Variants in NAGLU observed in about 807,000 individuals in gnomAD.
The protein encoded by NAGLU is alpha-N-acetylglucosaminidase.
A neutral mutation model predicts 43.4 loss-of-function variants in NAGLU; 34 were observed. The observed-to-expected ratio is 0.78, with a 90% confidence interval of 0.60 to 1.04. The LOEUF (loss-of-function observed/expected upper bound fraction) is 1.04, where lower values mean the gene tolerates loss of function less well. NAGLU is among the 50% of genes least tolerant of loss of function. The pLI is 0.00. For synonymous variants in NAGLU, 425 were observed against 437.6 expected (o/e 0.97, Z 0.36); for missense variants, 910 against 993.7 (o/e 0.92, Z 1.13).
chr17:42,539,428 AG>A (rs2092915965), intron 4 of NAGLU, among the ~76,000 whole-genome samples: 1 of 152,190 alleles, frequency 6.6e-6, no homozygotes, highest in African/African-American at 2.4e-5. Flanking sequence ...AAAGTCTTCA[AG>A]GCTCACCTGA....
At chr17:42,539,932 G>A (rs1229272579) in intron 4 of NAGLU, among the ~76,000 whole-genome samples, 1 of 151,926 alleles carries the variant, frequency 6.6e-6, no homozygotes, top group African/African-American at 2.4e-5. Flanking sequence ...TGGCCAACAT[G>A]GCGAAACCCC....
In NAGLU at chr17:42,539,158, G is replaced by A. The variant is rs1297593507; in HGVS notation, c.764+403G>A. Among the ~76,000 whole-genome samples the A allele has an allele frequency of 2.0e-5, 3 of 152,214 alleles. No individual in the cohort carries two copies. In the South Asian group the frequency reaches 6.2e-4, roughly 32 times the overall value. ...AAGCTCTGGACGTAGGCCTGGGTTT[G>A]ATTTCTGACTCTGCTACTAATTAGC... On this transcript the variant is annotated intron_variant, in intron 4 of 5. Coordinates refer to ENST00000225927, the MANE Select transcript of NAGLU (RefSeq NM_000263.4).
rs760463334 is a variant in NAGLU at position 42,538,732 on chromosome 17, G to C, written c.741G>C (p.Gly247=). The C allele has an allele frequency of 5.6e-6, 9 of 1,613,886 alleles. No homozygotes were observed. In the South Asian group the frequency reaches 9.9e-5, roughly 18 times the overall value. The change falls in exon 4 of 6, where the codon GGG becomes GGC. Residue 247 remains glycine, a synonymous_variant. Transcript: ENST00000225927. ...CCCCAGTGCTGCCTGCATTCGCGGG[G>C]CATGTTCCCGAGGCTGTCACCAGGT... ...GMTPVLPAFA[G]HVPEAVTRVF...
In NAGLU at chr17:42,543,521, C is replaced by T. The variant is rs112751577; in HGVS notation, c.1515C>T (p.Ser505=). The T allele has an allele frequency of 3.0e-3, 4,757 of 1,606,260 alleles. 9 individuals are homozygous for T. The highest frequency in any genetic ancestry group is 3.6e-3 in the Non-Finnish European group (4,247 of 1,178,012). ...TGCTCCGGAGTGTGTACAACTGCTC[C>T]GGGGAGGCCTGCAGGGGCCACAATC... ...RLLLRSVYNC[S]GEACRGHNRS... Residue 505 remains serine (S), a synonymous_variant, in exon 6 of 6, where the codon TCC becomes TCT. Transcript: ENST00000225927.
intron 4 of NAGLU, among the ~76,000 whole-genome samples, chr17:42,538,994 C>T (rs933301375): frequency 2.0e-5 from 3 of 152,140 alleles, no homozygotes; most frequent in Non-Finnish European, 2.9e-5. Context: ...TGGTGGCACG[C>T]GCCTGTAATC....
chr17:42,536,550 T>C lies in NAGLU; in HGVS notation c.278T>C (p.Leu93Pro). ...VAAAAGLHRY[L>P]RDFCGCHVAW... ...GCCGCCGCGGGGCTGCACCGCTACC[T>C]GCGCGACTTCTGTGGCTGCCACGTG... The change falls in exon 1 of 6, where the codon CTG becomes CCG. Residue 93 changes from leucine to proline, a missense_variant. Coordinates refer to ENST00000225927, the MANE Select transcript of NAGLU (RefSeq NM_000263.4). 1.4e-6 allele frequency: 2 copies of C among 1,471,540 alleles called. No individual in the cohort carries two copies. The highest frequency in any genetic ancestry group is 1.8e-6 in the Non-Finnish European group (2 of 1,117,792). The allele number at this position is 1,471,540 out of a possible 1,614,324, so 91.2% of individuals were successfully genotyped here.
At chr17:42,537,125 G>A (rs2092908546) in intron 1 of NAGLU, 1 of 500,930 alleles carries the variant, frequency 2.0e-6, no homozygotes, top group East Asian at 3.8e-5. Context: ...ACACCGTGCA[G>A]AGGAGGGGCT....
chr17:42,537,654 A>C (rs978994670), intron 2 of NAGLU, 109 bp downstream of exon 2: 5 of 1,447,806 alleles, frequency 3.5e-6, no homozygotes, highest in Admixed American at 2.0e-5. Flanking sequence ...AAGTGCTTTC[A>C]GCGTGCACAG....
At chr17:42,542,493 T>G (rs1015041287) in intron 5 of NAGLU, among the ~76,000 whole-genome samples, 4 of 151,980 alleles carry the variant, frequency 2.6e-5, no homozygotes, top group Non-Finnish European at 5.9e-5. Flanking sequence ...CCACTGCGAC[T>G]GGCCTTGATT....
rs764322586 is a variant in NAGLU, at chr17:42,543,894, G to A, written c.1888G>A (p.Val630Ile). Residue 630 changes from valine (V) to isoleucine (I), a missense_variant, in exon 6 of 6, where the codon GTC becomes ATC. Physicochemically the swap from Val to Ile is conservative, Grantham distance 29 (BLOSUM62 3). Transcript: ENST00000225927. ...GCTAGAGCAGGCCCGAGCAGCGGCA[G>A]TCAGTGAGGCCGAGGCCGATTTCTA... ...SWLEQARAAA[V>I]SEAEADFYEQ... 1.2e-6 allele frequency: 2 copies of A among 1,605,598 alleles called. No individual in the cohort carries two copies. The highest frequency in any genetic ancestry group is 1.7e-6 in the Non-Finnish European group (2 of 1,176,424).
At chr17:42,537,860 T>TAAA (rs908141983) in intron 2 of NAGLU, among the ~76,000 whole-genome samples, 4,390 of 108,846 alleles carry the variant, frequency 0.04, 266 homozygotes, top group African/African-American at 0.14. Flanking sequence ...AGACTCTGTC[T>TAAA]AAAAAAAAAA....
rs2092928338 is a variant in NAGLU, at chr17:42,543,620, G to T, written c.1614G>T (p.Glu538Asp). The change falls in exon 6 of 6, where the codon GAG (glutamate) becomes GAT (aspartate). Residue 538 changes from glutamate to aspartate, a missense_variant. By Grantham distance (45) the Glu-to-Asp change is conservative (BLOSUM62 2). Coordinates refer to ENST00000225927, the MANE Select transcript of NAGLU (RefSeq NM_000263.4). Reference sequence around the variant, plus strand: ...GGTACAACCGATCTGATGTGTTTGAGGCCTGGCGGCTGCTGCTCACATCTG... The same window carrying T: ...GGTACAACCGATCTGATGTGTTTGATGCCTGGCGGCTGCTGCTCACATCTG... ...SIWYNRSDVF[E>D]AWRLLLTSAP... 2 of 1,613,068 alleles carry T rather than the reference G, an allele frequency of 1.2e-6. No individual in the cohort carries two copies. The highest frequency in any genetic ancestry group is 1.1e-5 in the South Asian group (1 of 91,092).
chr17:42,543,953 GGGGCCAGAA>G lies in NAGLU; in HGVS notation c.1950_1958del (p.Pro651_Gly653del). Reference sequence around the variant, plus strand: ...ACAGCCGCTACCAGCTGACCTTGTGGGGGCCAGAAGGCAACATCCTGGACTATGCCAACA... The same window carrying G: ...ACAGCCGCTACCAGCTGACCTTGTGGGGCAACATCCTGGACTATGCCAACA... On this transcript the variant is annotated inframe_deletion, in exon 6 of 6. Transcript: ENST00000225927. 6.2e-7 allele frequency: 1 copy of G among 1,609,444 alleles called. No individual in the cohort carries two copies. Among genetic ancestry groups the G allele is most frequent in the Non-Finnish European group, 8.5e-7 (1 of 1,177,888 alleles).
At chr17:42,539,249 C>T (rs958173077) in intron 4 of NAGLU, among the ~76,000 whole-genome samples, 5 of 152,258 alleles carry the variant, frequency 3.3e-5, no homozygotes, top group African/African-American at 1.2e-4. Flanking sequence ...AAAATGGGAT[C>T]TCTACCCACT....
intron 4 of NAGLU, among the ~76,000 whole-genome samples, 160 bp from the exon 5 acceptor site, chr17:42,540,790 G>C (rs915174407): frequency 6.6e-6 from 1 of 152,154 alleles, no homozygotes; most frequent in African/African-American, 2.4e-5. Context: ...AAGGTGGCCA[G>C]GGAAGGAGAA....
chr17:42,538,515 A>T (rs1429218435), intron 3 of NAGLU, 30 bp downstream of exon 3: 1 of 1,613,666 alleles, frequency 6.2e-7, no homozygotes, highest in South Asian at 1.1e-5. Context: ...AAGGGGCAGA[A>T]TCGGTGATAG....
intron 4 of NAGLU, among the ~76,000 whole-genome samples, chr17:42,538,980 G>A (rs1599256649): frequency 6.6e-6 from 1 of 152,152 alleles, no homozygotes; most frequent in African/African-American, 2.4e-5. Flanking sequence ...AAATTAGCTG[G>A]GCATGGTGGC....
chr17:42,543,537 G>A lies in NAGLU; in HGVS notation c.1531G>A (p.Gly511Ser), dbSNP rs770129454. 6.2e-7 allele frequency: 1 copy of A among 1,609,286 alleles called. No individual in the cohort carries two copies. Among genetic ancestry groups the A allele is most frequent in the Admixed American group, 1.7e-5 (1 of 59,692 alleles). The change falls in exon 6 of 6, where the codon GGC becomes AGC. Residue 511 changes from glycine to serine, a missense_variant. By Grantham distance (56) the Gly-to-Ser change is moderately conservative. Transcript: ENST00000225927. Reference sequence around the variant, plus strand: ...CAACTGCTCCGGGGAGGCCTGCAGGGGCCACAATCGTAGCCCGCTGGTCAG... The same window carrying A: ...CAACTGCTCCGGGGAGGCCTGCAGGAGCCACAATCGTAGCCCGCTGGTCAG... ...VYNCSGEACR[G>S]HNRSPLVRRP...
rs944510978 is a variant in NAGLU, at chr17:42,540,920, T to C, written c.765-30T>C. On this transcript the variant is annotated intron_variant, in intron 4 of 5. Transcript: ENST00000225927. ...ATGGTGAACACTATGGCGGCTTCCA[T>C]GAAATATCTGAGCTTTTGCTCCCCA... 4.3e-6 allele frequency: 7 copies of C among 1,613,968 alleles called. No individual in the cohort carries two copies. The African/African-American group carries it at 8.0e-5, about 18-fold the overall frequency.
Sources: allele counts gnomAD v4.1 joint callset (sites outside exome capture counted in the v4.1 genomes callset), GRCh38; gene constraint gnomAD v4.1.1; transcripts MANE v1.5; gene names NCBI Gene and HGNC (gene_info 2026-07-23, HGNC 2026-07-21).